FOXO3B: variants seen among roughly 807,000 people sequenced by gnomAD.
FOXO3B encodes forkhead box O3B.
A neutral mutation model predicts 21.9 loss-of-function variants in FOXO3B; 15 were observed. The observed-to-expected ratio is 0.68, with a 90% CI of 0.46 to 1.05. The LOEUF (loss-of-function observed/expected upper bound fraction) is 1.05, where lower values mean the gene tolerates loss of function less well. Ranked by LOEUF, FOXO3B falls within the 50% of genes least tolerant of loss-of-function variation. The pLI, the probability that FOXO3B is intolerant of heterozygous loss-of-function variation, is 0.00. For missense variants in FOXO3B, 293 were observed against 435.5 expected (o/e 0.67, Z 2.91); for synonymous variants, 135 against 213.6 (o/e 0.63, Z 3.21).
chr17:18,676,920 C>G (rs1444349326), intron 3 of FOXO3B, among the ~76,000 whole-genome samples: 9 of 152,330 alleles, frequency 5.9e-5, no homozygotes, highest in African/African-American at 2.2e-4. Context: ...CCAGGCTGGT[C>G]TCAAACTTCT....
At chr17:18,677,824 C>T in intron 3 of FOXO3B, 1 of 1,206,708 alleles carries the variant, frequency 8.3e-7, no homozygotes, top group Non-Finnish European at 1.1e-6. Context: ...AACTCTGTCT[C>T]TAAGTTATTT....
In FOXO3B at chr17:18,672,133, C is replaced by T. The variant is rs1284597120; in HGVS notation, c.*176G>A. On this transcript the variant is annotated 3_prime_UTR_variant, in exon 4 of 4. Coordinates refer to ENST00000395675, the MANE Select transcript of FOXO3B (RefSeq NM_001368135.1). This position sits in a 1 kb window ranked among gnomAD's most constrained non-coding sequence, Gnocchi z 4.2. Reference sequence around the variant, plus strand: ...GGCTGCCTTCTTCTTGGCTGTGCGGCCACGGCTCTTGGTATACTTGTTGCT... The same window carrying T: ...GGCTGCCTTCTTCTTGGCTGTGCGGTCACGGCTCTTGGTATACTTGTTGCT... 1.2e-6 allele frequency: 2 copies of T among 1,612,296 alleles called. No individual in the cohort carries two copies. Among genetic ancestry groups the T allele is most frequent in the Non-Finnish European group, 1.7e-6 (2 of 1,179,100 alleles).
In FOXO3B at chr17:18,667,856, G is replaced by C. The variant is rs2032296358; in HGVS notation, c.*4453C>G. ...GCGGCTCCCTAGAGCAGCTTATTTA[G>C]AGGCCAAGTGTGGCCTCGGATAGTT... On this transcript the variant is annotated 3_prime_UTR_variant, in exon 4 of 4. Transcript: ENST00000395675. 6.6e-6 allele frequency: 1 copy of C among 152,170 alleles called. No homozygotes were observed. The highest frequency in any genetic ancestry group is 1.5e-5 in the Non-Finnish European group (1 of 68,042). 9.4% of individuals were successfully genotyped at this position (152,170 alleles called of 1,614,324 possible). A position where few individuals can be genotyped will look rare whatever the true frequency, so the allele number is the denominator to read the frequency against.
Position 18,671,501 on chromosome 17 carries a change from AGTG to A in FOXO3B, c.*805_*807del. ...CATCGCTGTGGCTAAGTGAGTCCGA[AGTG>A]AGCAGGTCCTGGAGTGTCTGGTTAC... On this transcript the variant is annotated 3_prime_UTR_variant, in exon 4 of 4. Coordinates refer to ENST00000395675, the MANE Select transcript of FOXO3B (RefSeq NM_001368135.1). The A allele has an allele frequency of 6.3e-7, 1 of 1,594,736 alleles. No individual in the cohort carries two copies. Among genetic ancestry groups the A allele is most frequent in the Non-Finnish European group, 8.6e-7 (1 of 1,164,058 alleles).
Position 18,673,044 on chromosome 17 carries a change from C to G in FOXO3B, c.138G>C (p.Ala46=), listed in dbSNP as rs1192942133. The G allele has an allele frequency of 1.0e-5, 15 of 1,457,188 alleles. No homozygotes were observed. In the South Asian group the frequency reaches 1.9e-4, roughly 18 times the overall value. The allele number at this position is 1,457,188 out of a possible 1,614,324, so 90.3% of individuals were successfully genotyped here. The change falls in exon 4 of 4, where the codon GCG becomes GCC. Residue 46 remains alanine (A), a synonymous_variant. Transcript: ENST00000395675. The part of the protein sequence containing the change: ...RLTARSQAAA[A]AAAPGSRSLR... ...GGCTCCGGCTCCCGGGCGCCGCCGC[C>G]GCCGCCGCCGCCTGGGGAAGCACGA...
intron 3 of FOXO3B, among the ~76,000 whole-genome samples, chr17:18,678,787 T>C (rs2032535372): frequency 1.3e-5 from 2 of 152,150 alleles, no homozygotes; most frequent in Admixed American, 1.3e-4. Flanking sequence ...ACTTTGAATC[T>C]GTGTAGCTCA....
Position 18,672,036 on chromosome 17 carries a change from T to A in FOXO3B, c.*273A>T, listed in dbSNP as rs2032377550. 2.5e-6 allele frequency: 4 copies of A among 1,611,512 alleles called. No individual in the cohort carries two copies. The South Asian group carries it at 4.4e-5, about 18-fold the overall frequency. Reference sequence around the variant, plus strand: ...ACGCATCCAGCTCATCACTGCTGCGTGACGTGGGGCTGCCAGACCACTTGG... The same window carrying A: ...ACGCATCCAGCTCATCACTGCTGCGAGACGTGGGGCTGCCAGACCACTTGG... On this transcript the variant is annotated 3_prime_UTR_variant, in exon 4 of 4. Transcript: ENST00000395675. This position sits in a 1 kb window ranked among gnomAD's most constrained non-coding sequence, Gnocchi z 4.2.
rs554020387 is a variant in FOXO3B, at chr17:18,674,069, T to C, written c.127-1014A>G. ...GACATTCAGTTTTAAACATGTTGTA[T>C]TGAAGTATCGTTGACATAAGCAAAC... is the stretch of plus-strand genomic sequence containing the variant. On this transcript the variant is annotated intron_variant, in intron 3 of 3. Coordinates refer to ENST00000395675, the MANE Select transcript of FOXO3B (RefSeq NM_001368135.1). Among the ~76,000 whole-genome samples, 14 of 152,148 alleles carry C rather than the reference T, an allele frequency of 9.2e-5. No individual in the cohort carries two copies. The East Asian group carries it at 1.4e-3, about 15-fold the overall frequency.
At chr17:18,679,687 A>G (rs1420853132) in intron 3 of FOXO3B, among the ~76,000 whole-genome samples, 1 of 152,032 alleles carries the variant, frequency 6.6e-6, no homozygotes, top group Non-Finnish European at 1.5e-5. Context: ...ACCTCAGGTG[A>G]TCTGCCCGCC....
At chr17:18,677,566 G>A (rs1450536415) in intron 3 of FOXO3B, 13 of 1,601,718 alleles carry the variant, frequency 8.1e-6, no homozygotes, top group Non-Finnish European at 8.5e-7. Flanking sequence ...GGGGGCGCCG[G>A]CGGGCCCAGC....
intron 3 of FOXO3B, among the ~76,000 whole-genome samples, chr17:18,674,270 A>G (rs2032434523): frequency 6.6e-6 from 1 of 151,978 alleles, no homozygotes; most frequent in Non-Finnish European, 1.5e-5. Flanking sequence ...GACCTTAGAC[A>G]CATTTTCTTT....
At chr17:18,674,449 C>A (rs1298427495) in intron 3 of FOXO3B, among the ~76,000 whole-genome samples, 1 of 147,936 alleles carries the variant, frequency 6.8e-6, no homozygotes, top group Admixed American at 6.8e-5. Flanking sequence ...CACGGTGAAA[C>A]CCCATCTCTA....
intron 3 of FOXO3B, chr17:18,677,617 C>T: frequency 5.0e-6 from 8 of 1,607,744 alleles, no homozygotes; most frequent in Non-Finnish European, 6.8e-6. Flanking sequence ...AGTGGCACTG[C>T]AGCTTCCTCC....
chr17:18,673,300 T>TG lies in FOXO3B; in HGVS notation c.127-246dup, dbSNP rs201256674. Among the ~76,000 whole-genome samples, 82 of 152,362 alleles carry TG rather than the reference T, an allele frequency of 5.4e-4. No individual in the cohort carries two copies. In the East Asian group the frequency reaches 0.013, roughly 24 times the overall value. ...TTATTTCTATTTTTCTTTTAAGAGATGGGGTCTCACTTTATTGCTCAGGCT... is the reference window on the plus strand; with the variant it reads ...TTATTTCTATTTTTCTTTTAAGAGATGGGGGTCTCACTTTATTGCTCAGGCT... On this transcript the variant is annotated intron_variant, in intron 3 of 3. Transcript: ENST00000395675.
At chr17:18,677,715 G>C in intron 3 of FOXO3B, 1 of 1,597,724 alleles carries the variant, frequency 6.3e-7, no homozygotes, top group South Asian at 1.1e-5. Flanking sequence ...GAAGCTGGCG[G>C]CCAAGAAAAA....
At chr17:18,677,988 C>A (rs2151736886) in intron 3 of FOXO3B, among the ~76,000 whole-genome samples, 1 of 150,154 alleles carries the variant, frequency 6.7e-6, no homozygotes, top group Admixed American at 6.6e-5. Context: ...CACTAAGTAG[C>A]CCCTAAGTAG....
In FOXO3B at chr17:18,669,014, A is replaced by G. The variant is rs887011181; in HGVS notation, c.*3295T>C. The G allele has an allele frequency of 6.6e-6, 1 of 151,676 alleles. No homozygotes were observed. The highest frequency in any genetic ancestry group is 1.5e-5 in the Non-Finnish European group (1 of 67,922). The allele number at this position is 151,676 out of a possible 1,614,324, so 9.4% of individuals were successfully genotyped here. A position where few individuals can be genotyped will look rare whatever the true frequency, so the allele number is the denominator to read the frequency against. The stretch of plus-strand genomic sequence containing the variant: ...AAAAGGCAATGTGCTACAGTCTACT[A>G]TAACCACAATTGCACAACAATTTAC... On this transcript the variant is annotated 3_prime_UTR_variant, in exon 4 of 4. Coordinates refer to ENST00000395675, the MANE Select transcript of FOXO3B (RefSeq NM_001368135.1).
In FOXO3B at chr17:18,672,072, G is replaced by A; in HGVS notation, c.*237C>T. 1.2e-6 allele frequency: 2 copies of A among 1,610,834 alleles called. No individual in the cohort carries two copies. Among genetic ancestry groups the A allele is most frequent in the South Asian group, 1.1e-5 (1 of 90,704 alleles). On this transcript the variant is annotated 3_prime_UTR_variant, in exon 4 of 4. Transcript: ENST00000395675. This position sits in a 1 kb window ranked among gnomAD's most constrained non-coding sequence, Gnocchi z 4.2. ...TGCCAGACCACTTGGAGAGCTGGGA[G>A]GGACTGTCGTCAGCTGATTCGGGGG...
intron 3 of FOXO3B, among the ~76,000 whole-genome samples, chr17:18,679,341 T>C (rs2074250930): frequency 1.3e-5 from 2 of 151,906 alleles, no homozygotes; most frequent in Non-Finnish European, 2.9e-5. Context: ...GAATGTGCAG[T>C]ATCTACTTTT....
Sources: allele counts gnomAD v4.1 joint callset (sites outside exome capture counted in the v4.1 genomes callset), GRCh38; gene constraint gnomAD v4.1.1; non-coding constraint Gnocchi (gnomAD v3.1); transcripts MANE v1.5; gene names NCBI Gene and HGNC (gene_info 2026-07-23, HGNC 2026-07-21).